The following MLIP variants were observed in gnomAD, a reference collection of about 807,000 sequenced individuals.
The protein encoded by MLIP is muscular LMNA-interacting protein.
MLIP carries 79 observed loss-of-function variants against 84.8 expected under a neutral mutation model. That is an observed-to-expected ratio of 0.93 (90% confidence interval 0.78 to 1.12). The LOEUF (loss-of-function observed/expected upper bound fraction) is 1.12, where lower values mean the gene tolerates loss of function less well. Ranked by LOEUF, MLIP falls within the 50% of genes most tolerant of loss-of-function variation. The probability of loss-of-function intolerance (pLI) is 0.00; values close to 1 mark genes in which losing one functional copy is unlikely to be tolerated. For missense variants in MLIP, 1,257 were observed against 1,160.6 expected (o/e 1.08, Z -1.21); for synonymous variants, 504 against 463.0 (o/e 1.09, Z -1.14).
At chr6:54,035,684 C>A (rs926444120) in intron 1 of MLIP, among the ~76,000 whole-genome samples, 1 of 151,912 alleles carries the variant, frequency 6.6e-6, no homozygotes, top group East Asian at 1.9e-4. Flanking sequence ...GGTATCTTAT[C>A]ATGGTTTTAA....
At chr6:54,033,350 T>C (rs1331355738) in intron 1 of MLIP, among the ~76,000 whole-genome samples, 19 of 151,084 alleles carry the variant, frequency 1.3e-4, no homozygotes, top group Admixed American at 1.0e-3. Flanking sequence ...CACTGCAACC[T>C]CCGCCTCCCG....
chr6:54,105,831 G>A (rs1400448393), intron 1 of MLIP, among the ~76,000 whole-genome samples: 2 of 152,126 alleles, frequency 1.3e-5, no homozygotes, highest in African/African-American at 4.8e-5. Context: ...AATACATGAA[G>A]GTCATTGTGT....
chr6:54,224,634 A>G (rs138036002), intron 11 of MLIP, among the ~76,000 whole-genome samples: 1,924 of 152,172 alleles, frequency 0.013, 31 homozygotes, highest in African/African-American at 0.042. Flanking sequence ...ATTTGGTTAC[A>G]TGAGTAAGTT....
intron 12 of MLIP, among the ~76,000 whole-genome samples, chr6:54,243,950 A>G (rs6458989): frequency 0.33 from 49,958 of 152,024 alleles, 11,708 homozygotes; most frequent in African/African-American, 0.67. Flanking sequence ...ATTCCACAAT[A>G]CTTTTCACAT....
intron 1 of MLIP, among the ~76,000 whole-genome samples, chr6:54,050,786 A>G (rs1469863294): frequency 1.3e-5 from 2 of 152,134 alleles, no homozygotes; most frequent in Admixed American, 6.6e-5. Flanking sequence ...TTATTCCCCT[A>G]CACTCTGAGG....
At chr6:54,261,091 G>A (rs1460068304) in intron 13 of MLIP, among the ~76,000 whole-genome samples, 1 of 152,002 alleles carries the variant, frequency 6.6e-6, no homozygotes, top group Non-Finnish European at 1.5e-5. Context: ...CATACAGGCA[G>A]AGCATACTCG....
chr6:54,055,451 A>G (rs1765609304), intron 1 of MLIP, among the ~76,000 whole-genome samples: 1 of 152,208 alleles, frequency 6.6e-6, no homozygotes, highest in Non-Finnish European at 1.5e-5. Context: ...TTATGGAAGT[A>G]TCATAAACTA....
chr6:54,095,653 C>T (rs1050428474), intron 1 of MLIP, among the ~76,000 whole-genome samples: 1 of 152,016 alleles, frequency 6.6e-6, no homozygotes, highest in African/African-American at 2.4e-5. Flanking sequence ...TTCTATTGAC[C>T]CCTCAACAAG....
intron 11 of MLIP, among the ~76,000 whole-genome samples, chr6:54,211,502 A>G (rs1779448467): frequency 3.3e-5 from 5 of 152,236 alleles, no homozygotes. Flanking sequence ...TATGTGTAAT[A>G]GAACCAAAGG....
intron 1 of MLIP, among the ~76,000 whole-genome samples, chr6:54,074,172 A>G (rs553520106): frequency 1.3e-5 from 2 of 152,274 alleles, no homozygotes; most frequent in South Asian, 4.1e-4. Context: ...TTGAAGCACT[A>G]TTGATAAATG....
chr6:54,085,411 C>T (rs528979224), intron 1 of MLIP, among the ~76,000 whole-genome samples: 2 of 152,094 alleles, frequency 1.3e-5, no homozygotes, highest in African/African-American at 4.8e-5. Context: ...TATAGTCGTA[C>T]CTATTTCAAA....
intron 11 of MLIP, among the ~76,000 whole-genome samples, chr6:54,229,736 T>C (rs1780848165): frequency 6.6e-6 from 1 of 152,240 alleles, no homozygotes; most frequent in Admixed American, 6.5e-5. Flanking sequence ...TTCCATGGTG[T>C]ATATGTACCA....
chr6:54,152,033 A>G (rs978458071), intron 5 of MLIP, among the ~76,000 whole-genome samples: 20 of 152,086 alleles, frequency 1.3e-4, no homozygotes, highest in Non-Finnish European at 2.8e-4. Flanking sequence ...ATCTTATTCC[A>G]TATTCTATCA....
chr6:54,144,162 T>A (rs922445722), intron 4 of MLIP, among the ~76,000 whole-genome samples: 1 of 152,158 alleles, frequency 6.6e-6, no homozygotes, highest in African/African-American at 2.4e-5. Flanking sequence ...GTCTGGGCAA[T>A]CCCTATGAAC....
intron 13 of MLIP, among the ~76,000 whole-genome samples, chr6:54,265,019 C>T (rs1375753802): frequency 1.3e-5 from 2 of 152,102 alleles, no homozygotes; most frequent in East Asian, 1.9e-4. Flanking sequence ...ACCACTGCTT[C>T]TTCACCTCAT....
chr6:54,185,069 G>A (rs993466475), intron 9 of MLIP, among the ~76,000 whole-genome samples: 1 of 152,138 alleles, frequency 6.6e-6, no homozygotes, highest in Non-Finnish European at 1.5e-5. Flanking sequence ...CCCATCATCT[G>A]CTTAGTTCAC....
intron 1 of MLIP, among the ~76,000 whole-genome samples, chr6:54,075,054 C>A (rs1042734053): frequency 2.0e-5 from 3 of 151,942 alleles, no homozygotes; most frequent in Non-Finnish European, 2.9e-5. Flanking sequence ...TCAAGACCAG[C>A]CTGACCAACA....
chr6:54,030,651 G>T (rs1017306589), intron 1 of MLIP: 1 of 151,512 alleles, frequency 6.6e-6, no homozygotes, highest in Non-Finnish European at 1.5e-5. Context: ...TTGCACGTAA[G>T]ATATTTTCCT....
intron 5 of MLIP, among the ~76,000 whole-genome samples, chr6:54,156,042 G>A (rs1168257510): frequency 6.6e-6 from 1 of 151,946 alleles, no homozygotes; most frequent in Non-Finnish European, 1.5e-5. Context: ...TAAATCTAGA[G>A]AAACAATATC....
Sources: gnomAD v4.1 joint callset for allele counts (sites outside exome capture counted in the v4.1 genomes callset) on GRCh38, gnomAD v4.1.1 for gene constraint, MANE v1.5 for transcripts, NCBI Gene and HGNC (gene_info 2026-07-23, HGNC 2026-07-21) for gene names.